The following PALLD variants were observed in gnomAD, a reference collection of about 807,000 sequenced individuals.
PALLD encodes palladin, cytoskeletal associated protein.
Under a neutral mutation model 123.5 loss-of-function variants are expected in PALLD, and 61 were observed. The observed-to-expected ratio is 0.49, with a 90% CI of 0.40 to 0.61. The LOEUF is 0.61. Among genes scored for constraint, PALLD ranks in the 20% least tolerant of loss-of-function variants. PALLD has a pLI of 0.00. For synonymous variants in PALLD, 465 were observed against 496.4 expected (o/e 0.94, Z 0.84); for missense variants, 1,273 against 1,377.0 (o/e 0.92, Z 1.20).
intron 15 of PALLD, among the ~76,000 whole-genome samples, chr4:168,910,404 T>G (rs1341218987): frequency 6.6e-6 from 1 of 152,094 alleles, no homozygotes; most frequent in Non-Finnish European, 1.5e-5. Flanking sequence ...TTAAAAAGGT[T>G]AATCTGCTTC....
intron 10 of PALLD, among the ~76,000 whole-genome samples, chr4:168,749,445 G>A (rs889512452): frequency 2.0e-5 from 3 of 150,178 alleles, no homozygotes; most frequent in Admixed American, 6.6e-5. Flanking sequence ...AGTGGCTCAC[G>A]CCTGTAATCT....
chr4:168,621,038 G>T (rs1303227659), intron 2 of PALLD, among the ~76,000 whole-genome samples: 4 of 152,192 alleles, frequency 2.6e-5, no homozygotes, highest in African/African-American at 4.8e-5. Flanking sequence ...ACGTTGACAA[G>T]ACCCATTTGA....
intron 6 of PALLD, among the ~76,000 whole-genome samples, chr4:168,689,471 G>T (rs1434076552): frequency 1.2e-5 from 1 of 83,474 alleles, no homozygotes; most frequent in Non-Finnish European, 2.2e-5. Context: ...TTTTTGAGAT[G>T]GAGTCTTGCT....
At chr4:168,530,574 G>A (rs1764511622) in intron 2 of PALLD, 1 of 152,206 alleles carries the variant, frequency 6.6e-6, no homozygotes, top group African/African-American at 2.4e-5. Context: ...TTGGACTCCT[G>A]TTGCTGCACA....
At chr4:168,545,460 C>T (rs1449498312) in intron 2 of PALLD, among the ~76,000 whole-genome samples, 6 of 151,786 alleles carry the variant, frequency 4.0e-5, no homozygotes, top group African/African-American at 1.2e-4. Context: ...ACCCAGGAGG[C>T]GGAGGTTGCA....
At chr4:168,650,889 C>T (rs973723642) in intron 2 of PALLD, among the ~76,000 whole-genome samples, 6 of 151,960 alleles carry the variant, frequency 3.9e-5, no homozygotes, top group African/African-American at 1.5e-4. Context: ...CCTTTCTTTC[C>T]TCCTTTATGT....
intron 2 of PALLD, among the ~76,000 whole-genome samples, chr4:168,599,701 T>C (rs1232735437): frequency 1.3e-5 from 2 of 152,098 alleles, no homozygotes; most frequent in African/African-American, 4.8e-5. Context: ...GAGTTCAAGG[T>C]TGTAGTACAC....
chr4:168,911,798 A>G (rs1479161650), intron 15 of PALLD, among the ~76,000 whole-genome samples: 1 of 152,148 alleles, frequency 6.6e-6, no homozygotes, highest in Non-Finnish European at 1.5e-5. Context: ...ATAATGTTAG[A>G]CTTCATGTCT....
chr4:168,775,011 T>C (rs1461288739), intron 10 of PALLD, among the ~76,000 whole-genome samples: 1 of 149,836 alleles, frequency 6.7e-6, no homozygotes, highest in East Asian at 1.9e-4. Context: ...CTAAAGAGTA[T>C]TTTTTGTACA....
chr4:168,913,862 C>A, intron 15 of PALLD, 65 bp from the exon 16 acceptor site: 2 of 1,020,528 alleles, frequency 2.0e-6, no homozygotes, highest in Non-Finnish European at 1.6e-6. Context: ...GGACAGTAGG[C>A]ATGATAGTGC....
At chr4:168,923,897 G>T (rs964040803) in intron 18 of PALLD, among the ~76,000 whole-genome samples, 17 of 148,270 alleles carry the variant, frequency 1.1e-4, no homozygotes. Flanking sequence ...GGCAGTAGTT[G>T]GTTGAGGCTG....
At chr4:168,569,769 C>T (rs1229843084) in intron 2 of PALLD, among the ~76,000 whole-genome samples, 3 of 152,140 alleles carry the variant, frequency 2.0e-5, no homozygotes, top group Admixed American at 6.6e-5. Context: ...TCAGACTTGA[C>T]CCCCGCAGGT....
At chr4:168,701,636 C>A (rs1783678740) in intron 8 of PALLD, among the ~76,000 whole-genome samples, 1 of 152,176 alleles carries the variant, frequency 6.6e-6, no homozygotes, top group South Asian at 2.1e-4. Flanking sequence ...GGTTTCAAGG[C>A]ACAGAATTAT....
In PALLD at chr4:168,913,978, G is replaced by A. The variant is rs1190472798; in HGVS notation, c.2674G>A (p.Gly892Ser). The part of the protein sequence containing the change: ...RLMVQAVNQR[G>S]RSPRSPSGHP... ...AATGGTACAGGCTGTCAACCAAAGA[G>A]GTCGAAGTCCCCGGTCTCCCTCAGG... The change falls in exon 16 of 22, where the codon GGT becomes AGT. Residue 892 changes from glycine to serine, a missense_variant. By Grantham distance (56) the Gly-to-Ser change is moderately conservative. Coordinates refer to ENST00000505667, the MANE Select transcript of PALLD (RefSeq NM_001166108.2). The A allele has an allele frequency of 6.2e-7, 1 of 1,613,366 alleles. No homozygotes were observed. The highest frequency in any genetic ancestry group is 1.1e-5 in the South Asian group (1 of 91,058).
chr4:168,859,659 T>A (rs1328268083), intron 10 of PALLD, among the ~76,000 whole-genome samples: 1 of 152,188 alleles, frequency 6.6e-6, no homozygotes, highest in Non-Finnish European at 1.5e-5. Flanking sequence ...CTCTGCTGTA[T>A]AATTCCTGTT....
chr4:168,790,161 T>TC (rs1561525908), intron 10 of PALLD, among the ~76,000 whole-genome samples: 2 of 149,656 alleles, frequency 1.3e-5, no homozygotes, highest in Non-Finnish European at 3.0e-5. Flanking sequence ...GTGGTTTCTT[T>TC]TTTTTTTTTT....
At chr4:168,625,597 G>C (rs1554052845) in intron 2 of PALLD, among the ~76,000 whole-genome samples, 1 of 123,880 alleles carries the variant, frequency 8.1e-6, no homozygotes, top group Non-Finnish European at 1.8e-5. Flanking sequence ...TTTTTAAATG[G>C]GCAAAGGACT....
chr4:168,813,707 G>C (rs1174727347), intron 10 of PALLD, among the ~76,000 whole-genome samples: 1 of 152,158 alleles, frequency 6.6e-6, no homozygotes, highest in Non-Finnish European at 1.5e-5. Context: ...TGACCCTCCT[G>C]CCTCAGCCTC....
intron 2 of PALLD, among the ~76,000 whole-genome samples, chr4:168,551,593 T>C (rs904679196): frequency 6.6e-6 from 1 of 151,940 alleles, no homozygotes; most frequent in Non-Finnish European, 1.5e-5. Flanking sequence ...AACCTGGGGG[T>C]ACATATATTA....
Sources: gnomAD v4.1 joint callset for allele counts (sites outside exome capture counted in the v4.1 genomes callset) on GRCh38, gnomAD v4.1.1 for gene constraint, MANE v1.5 for transcripts, NCBI Gene and HGNC (gene_info 2026-07-23, HGNC 2026-07-21) for gene names.